SMG7: variants seen among roughly 807,000 people sequenced by gnomAD.
SMG7 encodes SMG7 nonsense mediated mRNA decay factor.
A neutral mutation model predicts 148.2 loss-of-function variants in SMG7; 34 were observed. That is an observed-to-expected ratio of 0.23 (90% CI 0.17 to 0.31). The LOEUF is 0.31. Among genes scored for constraint, SMG7 ranks in the 10% least tolerant of loss-of-function variants. The pLI is 1.00. For synonymous variants in SMG7, 492 were observed against 515.1 expected, an observed-to-expected ratio of 0.96 and a Z score of 0.61; for missense variants, 1,114 against 1,408.4, an observed-to-expected ratio of 0.79 and a Z score of 3.35.
At chr1:183,478,611 T>A (rs1289796058) in intron 1 of SMG7, among the ~76,000 whole-genome samples, 1 of 152,198 alleles carries the variant, frequency 6.6e-6, no homozygotes, top group Non-Finnish European at 1.5e-5. Flanking sequence ...TTTTAATGGA[T>A]GTGTTACAGT....
intron 15 of SMG7, 93 bp from the exon 16 acceptor site, chr1:183,544,837 A>C: frequency 1.4e-5 from 16 of 1,136,984 alleles, no homozygotes; most frequent in Non-Finnish European, 1.9e-5. Context: ...GTGTTAGAAG[A>C]CTCCCTCTAC....
At chr1:183,546,973 T>G in intron 17 of SMG7, 130 bp from the exon 18 acceptor site, 1 of 883,584 alleles carries the variant, frequency 1.1e-6, no homozygotes, top group Non-Finnish European at 1.6e-6. Flanking sequence ...GCGTTTTTTC[T>G]CTTTGCCTAA....
At chr1:183,518,002 T>C (rs185955205) in intron 4 of SMG7, among the ~76,000 whole-genome samples, 182 bp downstream of exon 4, 91 of 152,236 alleles carry the variant, frequency 6.0e-4, no homozygotes, top group African/African-American at 1.6e-3. Context: ...GGCTGGAGTG[T>C]AGTGGTGCCG....
chr1:183,546,094 G>A lies in SMG7; in HGVS notation c.2499G>A (p.Pro833=), dbSNP rs374138535. The change falls in exon 17 of 23, where the codon CCG becomes CCA. Residue 833 remains proline (P), a synonymous_variant. Transcript: ENST00000688051. ...AAGACCCCATAAAACTGTTTGAGCCGTCATTGCAACCTCCTGTAATGCAGC... is the reference window on the plus strand; with the variant it reads ...AAGACCCCATAAAACTGTTTGAGCCATCATTGCAACCTCCTGTAATGCAGC... ...QTQDPIKLFE[P]SLQPPVMQQQ... The A allele has an allele frequency of 3.9e-5, 63 of 1,613,738 alleles. No individual in the cohort carries two copies. The highest frequency in any genetic ancestry group is 1.7e-4 in the African/African-American group (13 of 74,816).
At chr1:183,475,159 G>A (rs1651837971) in intron 1 of SMG7, among the ~76,000 whole-genome samples, 1 of 152,184 alleles carries the variant, frequency 6.6e-6, no homozygotes. Flanking sequence ...GTATTCATCT[G>A]TTCTTTCCAC....
chr1:183,539,055 C>T lies in SMG7; in HGVS notation c.1295+615C>T, dbSNP rs1668304891. On this transcript the variant is annotated intron_variant, in intron 12 of 22. Coordinates refer to ENST00000688051, the MANE Select transcript of SMG7 (RefSeq NM_001375584.1). The stretch of plus-strand genomic sequence containing the variant: ...GTCCCAGCTACCCAGGAAGCTGAGG[C>T]AGGAGAATCGCTTGAACCCAGGAGG... Among the ~76,000 whole-genome samples the T allele has an allele frequency of 2.6e-5, 4 of 151,962 alleles. No individual in the cohort carries two copies. In the South Asian group the frequency reaches 8.3e-4, roughly 32 times the overall value.
At position 183,534,327 on chromosome 1, in the gene SMG7, A is replaced by G. The variant is rs556108128; in HGVS notation, c.1163+495A>G. ...ACCATTTTCTCTGTCATCTCTACTC[A>G]CAGTAATTCTGACAGCTCTTAGGAA... On this transcript the variant is annotated intron_variant, in intron 10 of 22. Coordinates refer to ENST00000688051, the MANE Select transcript of SMG7 (RefSeq NM_001375584.1). Among the ~76,000 whole-genome samples, 9 of 152,334 alleles carry G rather than the reference A, an allele frequency of 5.9e-5. No homozygotes were observed. The South Asian group carries it at 1.9e-3, about 32-fold the overall frequency.
chr1:183,509,546 G>A (rs1385248235), intron 1 of SMG7, among the ~76,000 whole-genome samples: 3 of 152,034 alleles, frequency 2.0e-5, no homozygotes, highest in Non-Finnish European at 2.9e-5. Context: ...CTATCCCGTA[G>A]GGTTGTTATA....
chr1:183,529,637 T>A, intron 8 of SMG7, 104 bp downstream of exon 8: 1 of 862,716 alleles, frequency 1.2e-6, no homozygotes, highest in Non-Finnish European at 1.8e-6. Flanking sequence ...CTGTGTGAAC[T>A]ATTGGTAAAA....
At chr1:183,487,106 A>G (rs1390699117) in intron 1 of SMG7, among the ~76,000 whole-genome samples, 2 of 152,158 alleles carry the variant, frequency 1.3e-5, no homozygotes, top group African/African-American at 2.4e-5. Flanking sequence ...TACTACCACC[A>G]TGGTGGGGTT....
chr1:183,538,187 T>C (rs944649314), intron 11 of SMG7, among the ~76,000 whole-genome samples, 193 bp from the exon 12 acceptor site: 1 of 152,212 alleles, frequency 6.6e-6, no homozygotes, highest in Admixed American at 6.5e-5. Flanking sequence ...GGGGAATGTC[T>C]GTGTCCCAAA....
chr1:183,502,516 G>C, intron 1 of SMG7: 1 of 683,976 alleles, frequency 1.5e-6, no homozygotes, highest in East Asian at 3.0e-5. Flanking sequence ...GGCCAAGATC[G>C]GGATGGGGCA....
chr1:183,512,432 G>C (rs1662352712), intron 1 of SMG7, among the ~76,000 whole-genome samples: 1 of 152,166 alleles, frequency 6.6e-6, no homozygotes, highest in African/African-American at 2.4e-5. Flanking sequence ...AGTAGCTTGA[G>C]AAGAGGGGAA....
chr1:183,504,062 A>G (rs1038830006), intron 1 of SMG7, among the ~76,000 whole-genome samples: 3 of 152,040 alleles, frequency 2.0e-5, no homozygotes, highest in Non-Finnish European at 2.9e-5. Flanking sequence ...ATCTTTTCCA[A>G]CACTCCCAGT....
At chr1:183,520,561 C>A (rs1664534920) in intron 4 of SMG7, among the ~76,000 whole-genome samples, 1 of 151,824 alleles carries the variant, frequency 6.6e-6, no homozygotes, top group Non-Finnish European at 1.5e-5. Context: ...GGGAACATGA[C>A]TAAAGTAGGG....
chr1:183,476,214 G>A (rs1232153443), intron 1 of SMG7, among the ~76,000 whole-genome samples: 1 of 152,142 alleles, frequency 6.6e-6, no homozygotes, highest in African/African-American at 2.4e-5. Context: ...GACACTTCAG[G>A]GAGGATGCCG....
chr1:183,532,448 A>C (rs1202821066), intron 8 of SMG7, among the ~76,000 whole-genome samples: 1 of 152,214 alleles, frequency 6.6e-6, no homozygotes, highest in African/African-American at 2.4e-5. Context: ...AACTGAGAGC[A>C]TCTGGGTGAT....
chr1:183,484,359 A>ATT (rs1409263733), intron 1 of SMG7, among the ~76,000 whole-genome samples: 5 of 142,340 alleles, frequency 3.5e-5, no homozygotes, highest in Admixed American at 7.0e-5. Context: ...TCTGAAAAAA[A>ATT]ATTTTTTTTT....
Position 183,517,695 on chromosome 1 carries a change from C to T in SMG7, c.187C>T (p.His63Tyr). 6.2e-7 allele frequency: 1 copy of T among 1,614,046 alleles called. No individual in the cohort carries two copies. Among genetic ancestry groups the T allele is most frequent in the East Asian group, 2.2e-5 (1 of 44,878 alleles). Reference sequence around the variant, plus strand: ...ATTACATTTTGTTTTCAGCTGGAATCACGCCTTTAAGAATCAGATCACAAC... The same window carrying T: ...ATTACATTTTGTTTTCAGCTGGAATTACGCCTTTAAGAATCAGATCACAAC... ...DKKVEQDLWN[H>Y]AFKNQITTLQ... The change falls in exon 4 of 23, where the codon CAC (histidine) becomes TAC (tyrosine). Residue 63 changes from histidine (H) to tyrosine (Y), a missense_variant. His to Tyr is a moderately conservative substitution (Grantham distance 83). Transcript: ENST00000688051.
Sources: allele counts gnomAD v4.1 joint callset (sites outside exome capture counted in the v4.1 genomes callset), GRCh38; gene constraint gnomAD v4.1.1; transcripts MANE v1.5; gene names NCBI Gene and HGNC (gene_info 2026-07-23, HGNC 2026-07-21).